COL5A1: variants seen among roughly 807,000 people sequenced by gnomAD.
COL5A1 encodes collagen type V alpha 1 chain, also known as collagen alpha-1(V) chain.
Under a neutral mutation model 263.7 loss-of-function variants are expected in COL5A1, and 16 were observed. The ratio of observed to expected loss-of-function variants is 0.06; its 90% CI spans 0.04 to 0.09. COL5A1 has a LOEUF of 0.09. COL5A1 is among the 10% of genes least tolerant of loss of function. COL5A1 has a pLI of 1.00. For synonymous variants in COL5A1, 1,012 were observed against 1,004.5 expected (o/e 1.01, Z -0.14); for missense variants, 2,036 against 2,540.5 (o/e 0.80, Z 4.27).
At chr9:134,743,764 C>T (rs1420405445) in intron 11 of COL5A1, among the ~76,000 whole-genome samples, 1 of 152,220 alleles carries the variant, frequency 6.6e-6, no homozygotes, top group Admixed American at 6.5e-5. Context: ...GGGCTCAAAC[C>T]TTCTCCCCCT....
At chr9:134,664,623 C>A (rs1832303391) in intron 1 of COL5A1, among the ~76,000 whole-genome samples, 1 of 152,210 alleles carries the variant, frequency 6.6e-6, no homozygotes, top group South Asian at 2.1e-4. Flanking sequence ...GGAGGTGAAT[C>A]CCCAGGGAGA....
intron 36 of COL5A1, 74 bp from the exon 37 acceptor site, chr9:134,798,334 A>G: frequency 1.5e-6 from 2 of 1,365,164 alleles, no homozygotes; most frequent in Non-Finnish European, 2.1e-6. Flanking sequence ...CGGTCACTCC[A>G]CGTGGCATTA....
chr9:134,788,645 A>G (rs1390125165), intron 31 of COL5A1, among the ~76,000 whole-genome samples: 1 of 149,510 alleles, frequency 6.7e-6, no homozygotes, highest in Non-Finnish European at 1.5e-5. Context: ...AGATAGATGG[A>G]TAGACAGATA....
chr9:134,676,602 C>T (rs144425925), intron 1 of COL5A1, among the ~76,000 whole-genome samples: 8 of 77,584 alleles, frequency 1.0e-4, no homozygotes, highest in African/African-American at 5.0e-4. Flanking sequence ...TTGCTGCTCC[C>T]GAAAGGCTCC....
At chr9:134,701,435 G>A in intron 4 of COL5A1, 102 bp downstream of exon 4, 1 of 1,178,022 alleles carries the variant, frequency 8.5e-7, no homozygotes, top group South Asian at 1.3e-5. Flanking sequence ...GGGACCGGCT[G>A]GCGGTCCACT....
intron 65 of COL5A1, 76 bp downstream of exon 65, chr9:134,835,280 C>T: frequency 7.4e-7 from 1 of 1,349,106 alleles, no homozygotes; most frequent in East Asian, 2.4e-5. Context: ...CACGGGTTTA[C>T]CTGTCCCCAA....
In COL5A1 at chr9:134,801,788, G is replaced by GA. The variant is rs35171316; in HGVS notation, c.2953-153dup. ...GGCGACAGAGCGAGACTCTCCATCT[G>GA]AAAAAAAAAAAAATGAAACAAGAGA... On this transcript the variant is annotated intron_variant, in intron 37 of 65. Transcript: ENST00000371817. Among the ~76,000 whole-genome samples, 18,410 of 132,414 alleles carry GA rather than the reference G, an allele frequency of 0.14. 1,299 individuals carry two copies. The highest frequency in any genetic ancestry group is 0.18 in the African/African-American group (6,592 of 36,330). The allele number at this position is 132,414 out of a possible 152,430, so 86.9% of individuals were successfully genotyped here.
chr9:134,681,331 A>C lies in COL5A1; in HGVS notation c.110-9581A>C, dbSNP rs1391899867. Among the ~76,000 whole-genome samples, 1 of 152,182 alleles carries C rather than the reference A, an allele frequency of 6.6e-6. No homozygotes were observed. Among genetic ancestry groups the C allele is most frequent in the Non-Finnish European group, 1.5e-5 (1 of 68,022 alleles). ...TCCCCGGCTCTGCAGGGCCCTTTACAAACAGAGCAAATTGATGGCTTCGTG... is the reference window on the plus strand; with the variant it reads ...TCCCCGGCTCTGCAGGGCCCTTTACCAACAGAGCAAATTGATGGCTTCGTG... On this transcript the variant is annotated intron_variant, in intron 1 of 65. Transcript: ENST00000371817. The surrounding 1 kb of genome is among the most constrained non-coding windows in gnomAD (Gnocchi z 4.3).
At chr9:134,695,533 G>A (rs536300041) in intron 2 of COL5A1, among the ~76,000 whole-genome samples, 67 of 152,328 alleles carry the variant, frequency 4.4e-4, no homozygotes, top group African/African-American at 1.5e-3. Flanking sequence ...AGCGGTGGGA[G>A]GGTAGTGTCC....
intron 4 of COL5A1, among the ~76,000 whole-genome samples, chr9:134,714,333 G>T (rs1438432281): frequency 1.3e-5 from 2 of 150,948 alleles, no homozygotes; most frequent in East Asian, 2.0e-4. Flanking sequence ...GATATTAATG[G>T]TGAGTATGAT....
In COL5A1 at chr9:134,642,236, G is replaced by A; in HGVS notation, c.49G>A (p.Ala17Thr). The change falls in exon 1 of 66, where the codon GCC becomes ACC. Residue 17 changes from alanine (A) to threonine (T), a missense_variant. Ala to Thr is a moderately conservative substitution (Grantham distance 58, BLOSUM62 0). This residue lies in a region of COL5A1 where 600 missense variants were observed against 634.5 expected (regional missense o/e 0.95). Coordinates refer to ENST00000371817, the MANE Select transcript of COL5A1 (RefSeq NM_000093.5). The surrounding 1 kb of genome is among the most constrained non-coding windows in gnomAD (Gnocchi z 4.5). ...AGCGCGCAGCGCGCTCCGCCCGGGC[G>A]CCCCGCTGCTGCCCCCGCTGCTGCT... ...WKARSALRPG[A>T]PLLPPLLLLL... 2.3e-6 allele frequency: 3 copies of A among 1,293,792 alleles called. No homozygotes were observed. In the South Asian group the frequency reaches 7.0e-5, roughly 30 times the overall value. The allele number at this position is 1,293,792 out of a possible 1,614,324, so 80.1% of individuals were successfully genotyped here. A position where few individuals can be genotyped will look rare whatever the true frequency, so the allele number is the denominator to read the frequency against.
At position 134,677,876 on chromosome 9, in the gene COL5A1, C is replaced by G. The variant is rs1243948702; in HGVS notation, c.110-13036C>G. ...TGGAACGCCCCATGGCATGGTTCCACGGGAGGGGCATCTTCTGCCTGGCCC... is the reference window on the plus strand; with the variant it reads ...TGGAACGCCCCATGGCATGGTTCCAGGGGAGGGGCATCTTCTGCCTGGCCC... On this transcript the variant is annotated intron_variant, in intron 1 of 65. Transcript: ENST00000371817. The surrounding 1 kb of genome is among the most constrained non-coding windows in gnomAD (Gnocchi z 4.4). Among the ~76,000 whole-genome samples the G allele has an allele frequency of 6.6e-6, 1 of 152,192 alleles. No individual in the cohort carries two copies. The highest frequency in any genetic ancestry group is 1.5e-5 in the Non-Finnish European group (1 of 68,032).
intron 9 of COL5A1, 42 bp from the exon 10 acceptor site, chr9:134,738,432 G>A (rs776438621): frequency 6.2e-7 from 1 of 1,613,356 alleles, no homozygotes. Context: ...GTGTCGGGAG[G>A]GATGGGCTGC....
intron 29 of COL5A1, among the ~76,000 whole-genome samples, 200 bp from the exon 30 acceptor site, chr9:134,784,789 G>A (rs1490410009): frequency 6.6e-6 from 1 of 152,260 alleles, no homozygotes; most frequent in Non-Finnish European, 1.5e-5. Context: ...CCGGGAGCCC[G>A]GGAATTCGCG....
chr9:134,654,522 C>CAGGGCTGGGTGTGTGT (rs1564367847), intron 1 of COL5A1, among the ~76,000 whole-genome samples: 2 of 34,668 alleles, frequency 5.8e-5, no homozygotes, highest in African/African-American at 2.4e-4. Context: ...TGGAGGTGTG[C>CAGGGCTGGGTGTGTGT]AGGGCTGGGT....
At chr9:134,786,525 G>A (rs1476803150) in intron 31 of COL5A1, among the ~76,000 whole-genome samples, 1 of 152,086 alleles carries the variant, frequency 6.6e-6, no homozygotes, top group Non-Finnish European at 1.5e-5. Flanking sequence ...TTTTCCCCTG[G>A]GTTGTCCATA....
chr9:134,749,978 G>A (rs952829151), intron 11 of COL5A1, among the ~76,000 whole-genome samples: 3 of 152,224 alleles, frequency 2.0e-5, no homozygotes, highest in South Asian at 4.1e-4. Flanking sequence ...TTACATATAA[G>A]TGGGTTCTTG....
intron 32 of COL5A1, among the ~76,000 whole-genome samples, chr9:134,792,715 T>C (rs1837739553): frequency 6.6e-6 from 1 of 152,120 alleles, no homozygotes; most frequent in Non-Finnish European, 1.5e-5. Context: ...TGGATGCTTC[T>C]AGGTGCTAGG....
At chr9:134,721,665 C>T (rs1420806756) in intron 4 of COL5A1, among the ~76,000 whole-genome samples, 1 of 152,234 alleles carries the variant, frequency 6.6e-6, no homozygotes, top group African/African-American at 2.4e-5. Context: ...GGGGTGCAGA[C>T]ATCACAGAGC....
Sources: gnomAD v4.1 joint callset for allele counts (sites outside exome capture counted in the v4.1 genomes callset) on GRCh38, gnomAD v4.1.1 for gene constraint, gnomAD v4.1.1 regional missense constraint, Gnocchi (gnomAD v3.1) non-coding constraint, MANE v1.5 for transcripts, NCBI Gene and HGNC (gene_info 2026-07-23, HGNC 2026-07-21) for gene names.